Variants in HDAC2 observed in about 807,000 individuals in gnomAD.
HDAC2 encodes the protein YY1-associated factor 1.
A neutral mutation model predicts 68.5 loss-of-function variants in HDAC2; 5 were observed. That is an observed-to-expected ratio of 0.07 (90% CI 0.04 to 0.15). HDAC2 has a LOEUF of 0.15. Ranked by LOEUF, HDAC2 falls within the 10% of genes least tolerant of loss-of-function variation. HDAC2 has a pLI of 1.00. For missense variants in HDAC2, 291 were observed against 600.8 expected, an observed-to-expected ratio of 0.48 and a Z score of 5.39; for synonymous variants, 182 against 191.3, an observed-to-expected ratio of 0.95 and a Z score of 0.40.
At chr6:113,964,074 A>T (rs1055927765) in intron 1 of HDAC2, among the ~76,000 whole-genome samples, 4 of 152,196 alleles carry the variant, frequency 2.6e-5, no homozygotes, top group Non-Finnish European at 5.9e-5. Flanking sequence ...TACAGCAAAA[A>T]AGTGTGAATA....
intron 1 of HDAC2, among the ~76,000 whole-genome samples, chr6:113,965,899 G>T (rs530496912): frequency 6.6e-6 from 1 of 152,304 alleles, no homozygotes; most frequent in South Asian, 2.1e-4. Context: ...TTCCAAGTTT[G>T]AATTTATTAA....
intron 13 of HDAC2, among the ~76,000 whole-genome samples, 160 bp from the exon 14 acceptor site, chr6:113,941,248 G>A (rs900965310): frequency 3.9e-5 from 6 of 152,050 alleles, no homozygotes; most frequent in Non-Finnish European, 7.4e-5. Flanking sequence ...AATTTTTCTA[G>A]TGATTTAATA....
At chr6:113,958,131 T>G (rs573982101) in intron 3 of HDAC2, among the ~76,000 whole-genome samples, 166 of 152,362 alleles carry the variant, frequency 1.1e-3, no homozygotes, top group African/African-American at 3.8e-3. Flanking sequence ...ACTTTTGCAT[T>G]CTACCTTCAA....
At chr6:113,968,167 T>C (rs976849868) in intron 1 of HDAC2, among the ~76,000 whole-genome samples, 2 of 152,222 alleles carry the variant, frequency 1.3e-5, no homozygotes, top group African/African-American at 2.4e-5. Context: ...GTAGGATTCC[T>C]ATGGTTATAG....
At chr6:113,967,293 T>C (rs1336780080) in intron 1 of HDAC2, among the ~76,000 whole-genome samples, 1 of 152,064 alleles carries the variant, frequency 6.6e-6, no homozygotes, top group East Asian at 1.9e-4. Context: ...CACGCCTGGC[T>C]AATTTTTGTA....
At chr6:113,948,686 A>C (rs2114597033) in intron 8 of HDAC2, 1 of 294,804 alleles carries the variant, frequency 3.4e-6, no homozygotes, top group Non-Finnish European at 6.3e-6. Context: ...AATTAAGTAA[A>C]AAAGTATGCA....
intron 8 of HDAC2, chr6:113,947,055 T>C (rs1470365982): frequency 2.6e-5 from 4 of 152,202 alleles, no homozygotes; most frequent in East Asian, 3.8e-4. Flanking sequence ...CATTCTTCAA[T>C]AGTTGCAACA....
intron 1 of HDAC2, among the ~76,000 whole-genome samples, chr6:113,964,235 T>C (rs1222051876): frequency 6.6e-6 from 1 of 150,890 alleles, no homozygotes; most frequent in Admixed American, 6.6e-5. Context: ...GCCACAAAGA[T>C]AAGTTGACTG....
In HDAC2 at chr6:113,956,146, C is replaced by A; in HGVS notation, c.364G>T (p.Ala122Ser). 2 of 1,597,698 alleles carry A rather than the reference C, an allele frequency of 1.3e-6. No individual in the cohort carries two copies. The highest frequency in any genetic ancestry group is 1.8e-5 in the Admixed American group (1 of 55,220). Residue 122 changes from alanine to serine, a missense_variant, in exon 5 of 14, where the codon GCT becomes TCT. Physicochemically the swap from Ala to Ser is moderately conservative, Grantham distance 99. Transcript: ENST00000519065. ...QLSTGGSVAG[A>S]VKLNRQQTDM... The stretch of plus-strand genomic sequence containing the variant: ...GTCTGTTGTCGGTTTAACTTCACAG[C>A]TCCAGCTAAGAAGTAGAAACAAGAT...
chr6:113,960,795 C>A (rs1260298704), intron 1 of HDAC2, among the ~76,000 whole-genome samples: 1 of 151,998 alleles, frequency 6.6e-6, no homozygotes, highest in Admixed American at 6.6e-5. Flanking sequence ...AGAAGCCTCT[C>A]AAATATATAA....
chr6:113,951,549 G>C (rs911565631), intron 6 of HDAC2, among the ~76,000 whole-genome samples: 1 of 149,022 alleles, frequency 6.7e-6, no homozygotes, highest in African/African-American at 2.5e-5. Flanking sequence ...CTCACAGCAA[G>C]CTCCGCCTCC....
Position 113,946,061 on chromosome 6 carries a change from G to C in HDAC2, c.929C>G (p.Ala310Gly). The C allele has an allele frequency of 6.2e-7, 1 of 1,613,068 alleles. No homozygotes were observed. Among genetic ancestry groups the C allele is most frequent in the Non-Finnish European group, 8.5e-7 (1 of 1,179,064 alleles). Reference sequence around the variant, plus strand: ...TGCAGTCTCATATGTCCAACATCGAGCAACATTACGGATTGTGTAGCCACC... The same window carrying C: ...TGCAGTCTCATATGTCCAACATCGACCAACATTACGGATTGTGTAGCCACC... ...GGGGYTIRNV[A>G]RCWTYETAVA... The change falls in exon 9 of 14, where the codon GCT becomes GGT. Residue 310 changes from alanine to glycine, a missense_variant. By Grantham distance (60) the Ala-to-Gly change is moderately conservative. Around this residue, in one of 2 missense-constraint regions of HDAC2, gnomAD observed 154 missense variants for 472.1 expected, o/e 0.33. Transcript: ENST00000519065.
At chr6:113,952,767 T>C (rs1352027681) in intron 6 of HDAC2, among the ~76,000 whole-genome samples, 1 of 152,134 alleles carries the variant, frequency 6.6e-6, no homozygotes, top group East Asian at 1.9e-4. Flanking sequence ...ATACACTTAA[T>C]GTTAACAGGC....
chr6:113,970,885 G>T lies in HDAC2; in HGVS notation c.24C>A (p.Gly8=). ...CGTAGTAGTAGCAGACTTTTTTTTT[G>T]CCGCCTCCTTGACTGTACGCCATGG... is the stretch of plus-strand genomic sequence containing the variant. MAYSQGG[G]KKKVCYYYDG... is the part of the protein sequence containing the mutation. The change falls in exon 1 of 14, where the codon GGC becomes GGA. Residue 8 remains glycine, a synonymous_variant. Transcript: ENST00000519065. 3 of 1,538,140 alleles carry T rather than the reference G, an allele frequency of 2.0e-6. No homozygotes were observed. Among genetic ancestry groups the T allele is most frequent in the Non-Finnish European group, 1.7e-6 (2 of 1,143,886 alleles).
chr6:113,945,601 TCTC>T, intron 9 of HDAC2, 131 bp from the exon 10 acceptor site: 1 of 670,018 alleles, frequency 1.5e-6, no homozygotes, highest in South Asian at 1.7e-5. Context: ...AAGTGAATGT[TCTC>T]CTATTTATAA....
chr6:113,966,425 G>A (rs765467414), intron 1 of HDAC2, among the ~76,000 whole-genome samples: 163 of 152,096 alleles, frequency 1.1e-3, no homozygotes, highest in Non-Finnish European at 1.6e-3. Context: ...GGTGGCACGT[G>A]CCTGTAATCT....
rs769722362 is a variant in HDAC2, at chr6:113,953,334, T to C, written c.582A>G (p.Val194=). 2.3e-5 allele frequency: 37 copies of C among 1,606,126 alleles called. No homozygotes were observed. In the Admixed American group the frequency reaches 4.7e-4, roughly 20 times the overall value. The change falls in exon 6 of 14, where the codon GTA becomes GTG. Residue 194 remains valine, a synonymous_variant. Coordinates refer to ENST00000519065, the MANE Select transcript of HDAC2 (RefSeq NM_001527.4). ...VEEAFYTTDR[V]MTVSFHKYGE... ...CATATTTATGGAATGATACCGTCATTACACGATCTGTTGTATAAAAAGCTT... is the reference window on the plus strand; with the variant it reads ...CATATTTATGGAATGATACCGTCATCACACGATCTGTTGTATAAAAAGCTT...
In HDAC2 at chr6:113,967,252, C is replaced by T. The variant is rs1467698304; in HGVS notation, c.52+3605G>A. Among the ~76,000 whole-genome samples the T allele has an allele frequency of 2.6e-5, 4 of 152,168 alleles. 1 individual carries two copies. The highest frequency in any genetic ancestry group is 5.9e-5 in the Non-Finnish European group (4 of 68,024). On this transcript the variant is annotated intron_variant, in intron 1 of 13. Coordinates refer to ENST00000519065, the MANE Select transcript of HDAC2 (RefSeq NM_001527.4). ...CAAGCCATTCTCCTGCCTCAGCCTC[C>T]CGAGTAACTGGGACTACTGGTGCCT...
rs1341585325 is a variant in HDAC2 at position 113,948,995 on chromosome 6, G to A, written c.825C>T (p.Phe275=). ...DSLSGDRLGC[F]NLTVKGHAKC... is the part of the protein sequence containing the mutation. The stretch of plus-strand genomic sequence containing the variant: ...ATTGCTTACCTTTGACTGTTAGATT[G>A]AAACAACCCAGTCTATCACCAGATA... Residue 275 remains phenylalanine, a synonymous_variant, in exon 8 of 14, where the codon TTC becomes TTT. Coordinates refer to ENST00000519065, the MANE Select transcript of HDAC2 (RefSeq NM_001527.4). The A allele has an allele frequency of 3.7e-6, 6 of 1,613,650 alleles. No homozygotes were observed. Among genetic ancestry groups the A allele is most frequent in the Non-Finnish European group, 5.1e-6 (6 of 1,179,878 alleles).
Sources: gnomAD v4.1 joint callset for allele counts (sites outside exome capture counted in the v4.1 genomes callset) on GRCh38, gnomAD v4.1.1 for gene constraint, gnomAD v4.1.1 regional missense constraint, MANE v1.5 for transcripts, NCBI Gene and HGNC (gene_info 2026-07-23, HGNC 2026-07-21) for gene names.